The following NAALADL2 variants were observed in gnomAD, a reference collection of about 807,000 sequenced individuals.
NAALADL2 encodes N-acetylated alpha-linked acidic dipeptidase like 2, also known as inactive N-acetylated-alpha-linked acidic dipeptidase-like protein 2.
Under a neutral mutation model 87.2 loss-of-function variants are expected in NAALADL2, and 76 were observed. The observed-to-expected ratio is 0.87, with a 90% CI of 0.72 to 1.05. The LOEUF (loss-of-function observed/expected upper bound fraction) is 1.05. Among genes scored for constraint, NAALADL2 ranks in the 50% least tolerant of loss-of-function variants. The pLI is 0.00. For missense variants in NAALADL2, 1,089 were observed against 945.8 expected (o/e 1.15, Z -1.99); for synonymous variants, 354 against 331.0 (o/e 1.07, Z -0.75).
intron 1 of NAALADL2, among the ~76,000 whole-genome samples, chr3:175,026,635 A>G (rs1560491311): frequency 6.7e-6 from 1 of 149,812 alleles, no homozygotes; most frequent in Non-Finnish European, 1.5e-5. Context: ...AGCCCAGGCA[A>G]CAAGAACAAA....
At chr3:175,798,410 A>G (rs1307980226) in intron 13 of NAALADL2, among the ~76,000 whole-genome samples, 2 of 152,066 alleles carry the variant, frequency 1.3e-5, no homozygotes, top group African/African-American at 4.8e-5. Flanking sequence ...ATGAGTGTTT[A>G]TCTTCCATAA....
intron 5 of NAALADL2, among the ~76,000 whole-genome samples, chr3:175,370,963 T>C (rs921466868): frequency 1.3e-5 from 2 of 152,154 alleles, no homozygotes; most frequent in African/African-American, 4.8e-5. Context: ...CATAACATTA[T>C]GTTCAGAATC....
At chr3:174,470,247 T>G (rs1716815106) in intron 1 of NAALADL2, among the ~76,000 whole-genome samples, 1 of 152,192 alleles carries the variant, frequency 6.6e-6, no homozygotes, top group Non-Finnish European at 1.5e-5. Context: ...CTTTGATGAT[T>G]AGTGATATGG....
chr3:174,954,520 A>T (rs552414905), intron 1 of NAALADL2, among the ~76,000 whole-genome samples: 19 of 152,190 alleles, frequency 1.2e-4, no homozygotes, highest in African/African-American at 4.3e-4. Context: ...AGGTAGAGCC[A>T]TTTGGATGCT....
Position 174,690,711 on chromosome 3 carries a change from G to T in NAALADL2, c.-114-46930G>T, listed in dbSNP as rs1270302294. ...TTTAATTTTGTGTGTTCTGTAATTT[G>T]TTAATAAAAGGGTAGGAGCACTCCA... On this transcript the variant is annotated intron_variant, in intron 2 of 3. Transcript: ENST00000434257. Among the ~76,000 whole-genome samples the T allele has an allele frequency of 5.3e-5, 8 of 152,062 alleles. No homozygotes were observed. The South Asian group carries it at 1.2e-3, about 24-fold the overall frequency.
intron 13 of NAALADL2, among the ~76,000 whole-genome samples, chr3:175,757,286 T>A (rs2150138404): frequency 6.6e-6 from 1 of 152,194 alleles, no homozygotes; most frequent in Non-Finnish European, 1.5e-5. Flanking sequence ...ATAATAAATA[T>A]GATACTTTTA....
chr3:175,153,370 C>T (rs1470230011), intron 2 of NAALADL2, among the ~76,000 whole-genome samples: 2 of 152,140 alleles, frequency 1.3e-5, no homozygotes, highest in Non-Finnish European at 2.9e-5. Context: ...CTACCTTACC[C>T]ACAAGCAGTT....
chr3:175,585,603 C>T (rs1041991469), intron 10 of NAALADL2, among the ~76,000 whole-genome samples: 1 of 151,874 alleles, frequency 6.6e-6, no homozygotes, highest in Non-Finnish European at 1.5e-5. Flanking sequence ...AAAACAGAGC[C>T]TATAACTAGA....
chr3:175,790,597 G>A (rs1401399739), intron 13 of NAALADL2, among the ~76,000 whole-genome samples: 1 of 152,288 alleles, frequency 6.6e-6, no homozygotes, highest in Non-Finnish European at 1.5e-5. Flanking sequence ...ATGATGCAAC[G>A]TCTAAGATTC....
At chr3:174,457,182 T>C (rs1577953039) in intron 1 of NAALADL2, among the ~76,000 whole-genome samples, 1 of 152,252 alleles carries the variant, frequency 6.6e-6, no homozygotes. Context: ...AAAATGGCTA[T>C]TACTAAAAAG....
At chr3:175,011,161 A>G (rs1231445670) in intron 1 of NAALADL2, among the ~76,000 whole-genome samples, 2 of 152,008 alleles carry the variant, frequency 1.3e-5, no homozygotes, top group Admixed American at 6.6e-5. Context: ...ATATTTGTAC[A>G]TAGCTCTATT....
intron 9 of NAALADL2, among the ~76,000 whole-genome samples, chr3:175,566,529 C>G (rs553788522): frequency 6.6e-6 from 1 of 152,166 alleles, no homozygotes; most frequent in South Asian, 2.1e-4. Flanking sequence ...TATATTATTT[C>G]ATTATATGTG....
chr3:175,502,112 G>T (rs1050334199), intron 9 of NAALADL2, among the ~76,000 whole-genome samples: 1 of 152,054 alleles, frequency 6.6e-6, no homozygotes, highest in Admixed American at 6.6e-5. Context: ...ATAAACAAGG[G>T]AGAATAAAGT....
intron 2 of NAALADL2, among the ~76,000 whole-genome samples, chr3:175,189,186 T>G (rs1737782338): frequency 6.6e-6 from 1 of 152,164 alleles, no homozygotes; most frequent in Non-Finnish European, 1.5e-5. Flanking sequence ...CAAGCAAAGA[T>G]GACCACTCTC....
chr3:175,465,928 G>A (rs1013582107), intron 7 of NAALADL2, among the ~76,000 whole-genome samples: 12 of 152,184 alleles, frequency 7.9e-5, no homozygotes, highest in African/African-American at 2.9e-4. Flanking sequence ...GACCTACTTT[G>A]TGTTGAGCAT....
intron 5 of NAALADL2, among the ~76,000 whole-genome samples, chr3:175,438,024 A>T (rs1719029993): frequency 6.6e-6 from 1 of 152,042 alleles, no homozygotes; most frequent in African/African-American, 2.4e-5. Context: ...TTATTTTTAC[A>T]ATTTCGTGGT....
intron 10 of NAALADL2, among the ~76,000 whole-genome samples, chr3:175,585,800 G>A (rs1233762746): frequency 6.6e-6 from 1 of 151,982 alleles, no homozygotes; most frequent in Non-Finnish European, 1.5e-5. Flanking sequence ...TCCGTGTAAT[G>A]TAAAGGTGAG....
chr3:175,385,745 C>G lies in NAALADL2; in HGVS notation c.1090+61420C>G, dbSNP rs545873980. On this transcript the variant is annotated intron_variant, in intron 5 of 13. Transcript: ENST00000454872. ...ACATCTACCTCAAAAATATGTACAT[C>G]TAATATGTATCAATGAAAAACAAAC... 3.3e-5 allele frequency among the ~76,000 whole-genome samples: 5 copies of G among 152,026 alleles called. No individual in the cohort carries two copies. The South Asian group carries it at 1.0e-3, about 31-fold the overall frequency.
intron 5 of NAALADL2, among the ~76,000 whole-genome samples, chr3:175,388,143 T>C (rs1325720326): frequency 6.6e-6 from 1 of 152,120 alleles, no homozygotes; most frequent in Non-Finnish European, 1.5e-5. Flanking sequence ...CAGTGCAATA[T>C]CTGAGTTGAT....
Sources: allele counts gnomAD v4.1 joint callset (sites outside exome capture counted in the v4.1 genomes callset), GRCh38; gene constraint gnomAD v4.1.1; transcripts MANE v1.5; gene names NCBI Gene and HGNC (gene_info 2026-07-23, HGNC 2026-07-21).